Variants in GALNTL6 observed in about 807,000 individuals in gnomAD.
GALNTL6 encodes polypeptide N-acetylgalactosaminyltransferase-like 6.
GALNTL6 carries 46 observed loss-of-function variants against 73.7 expected under a neutral mutation model. That is an observed-to-expected ratio of 0.62 (90% CI 0.49 to 0.80). The LOEUF is 0.80. Ranked by LOEUF, GALNTL6 falls within the 30% of genes least tolerant of loss-of-function variation. GALNTL6 has a pLI of 0.00. For synonymous variants in GALNTL6, 259 were observed against 263.7 expected (o/e 0.98, Z 0.17); for missense variants, 604 against 755.0 (o/e 0.80, Z 2.34).
intron 2 of GALNTL6, among the ~76,000 whole-genome samples, chr4:171,984,431 C>T (rs1740003428): frequency 6.6e-6 from 1 of 152,154 alleles, no homozygotes; most frequent in Admixed American, 6.5e-5. Context: ...AGTGCCTTAT[C>T]TACCAGACAA....
chr4:173,033,562 C>A (rs1200475601), intron 12 of GALNTL6, among the ~76,000 whole-genome samples: 1 of 152,188 alleles, frequency 6.6e-6, no homozygotes, highest in African/African-American at 2.4e-5. Flanking sequence ...CAACCTTGTT[C>A]TTCTGCACAA....
Position 172,271,924 on chromosome 4 carries a change from G to T in GALNTL6, c.248-39690G>T, listed in dbSNP as rs190897416. On this transcript the variant is annotated intron_variant, in intron 3 of 12. Coordinates refer to ENST00000506823, the MANE Select transcript of GALNTL6 (RefSeq NM_001034845.3). ...TTTGCTTTTTTGAAATATTATATTA[G>T]AGAAGATAGGGCCATCATAAATATA... Among the ~76,000 whole-genome samples, 39 of 151,544 alleles carry T rather than the reference G, an allele frequency of 2.6e-4. No homozygotes were observed. In the East Asian group the frequency reaches 7.6e-3, roughly 29 times the overall value.
At chr4:172,475,206 G>A (rs1359448302) in intron 5 of GALNTL6, among the ~76,000 whole-genome samples, 1 of 152,166 alleles carries the variant, frequency 6.6e-6, no homozygotes, top group East Asian at 1.9e-4. Flanking sequence ...TTTTCAGACA[G>A]TGTTTTTATT....
chr4:172,855,712 A>G (rs1002641783), intron 7 of GALNTL6, among the ~76,000 whole-genome samples: 7 of 152,136 alleles, frequency 4.6e-5, no homozygotes, highest in African/African-American at 1.7e-4. Context: ...ACATTAATAC[A>G]ATTTCTACCA....
At chr4:173,010,322 G>A (rs768063666) in intron 11 of GALNTL6, among the ~76,000 whole-genome samples, 21 of 152,154 alleles carry the variant, frequency 1.4e-4, no homozygotes, top group Non-Finnish European at 1.9e-4. Context: ...TTCCATCCAT[G>A]TTGTTGCAAA....
chr4:172,747,546 A>G (rs1482263858), intron 5 of GALNTL6, among the ~76,000 whole-genome samples: 1 of 152,150 alleles, frequency 6.6e-6, no homozygotes, highest in Non-Finnish European at 1.5e-5. Flanking sequence ...AGAAAAGGGA[A>G]CACTTTTACA....
intron 7 of GALNTL6, 66 bp downstream of exon 7, chr4:172,813,789 G>A (rs2111000375): frequency 1.6e-6 from 2 of 1,254,452 alleles, no homozygotes; most frequent in East Asian, 2.4e-5. Flanking sequence ...TGTTAAACCT[G>A]GGCTCAAGAA....
intron 2 of GALNTL6, among the ~76,000 whole-genome samples, chr4:171,990,004 G>C (rs1213834450): frequency 1.3e-5 from 2 of 151,846 alleles, no homozygotes; most frequent in Admixed American, 6.6e-5. Context: ...AGTCACGGAA[G>C]GAAACAGTAA....
chr4:172,164,349 A>G (rs1301584171), intron 2 of GALNTL6, among the ~76,000 whole-genome samples: 1 of 152,008 alleles, frequency 6.6e-6, no homozygotes, highest in Non-Finnish European at 1.5e-5. Flanking sequence ...TTATAGGACT[A>G]AATCTCAGAT....
At chr4:172,665,774 G>A (rs1477123124) in intron 5 of GALNTL6, among the ~76,000 whole-genome samples, 1 of 152,042 alleles carries the variant, frequency 6.6e-6, no homozygotes, top group Non-Finnish European at 1.5e-5. Flanking sequence ...ATAAACTAAT[G>A]TCATTATTTC....
intron 8 of GALNTL6, among the ~76,000 whole-genome samples, chr4:172,915,645 T>A (rs1747464672): frequency 6.6e-6 from 1 of 152,144 alleles, no homozygotes; most frequent in Non-Finnish European, 1.5e-5. Flanking sequence ...CTAGAATATC[T>A]AGAAGAAATG....
At chr4:171,861,673 T>C (rs543976092) in intron 2 of GALNTL6, among the ~76,000 whole-genome samples, 1 of 152,266 alleles carries the variant, frequency 6.6e-6, no homozygotes, top group East Asian at 1.9e-4. Flanking sequence ...ACCTATATTA[T>C]TATTTATATC....
chr4:172,311,792 G>A, intron 4 of GALNTL6, 40 bp downstream of exon 4: 1 of 1,324,314 alleles, frequency 7.6e-7, no homozygotes, highest in South Asian at 1.8e-5. Flanking sequence ...GGGTTTTTTT[G>A]GTTTTTTTTG....
At chr4:173,038,217 C>G (rs539474684) in intron 12 of GALNTL6, among the ~76,000 whole-genome samples, 1 of 152,302 alleles carries the variant, frequency 6.6e-6, no homozygotes, top group African/African-American at 2.4e-5. Context: ...TGTATTAGAT[C>G]CGTGTAGCTT....
intron 2 of GALNTL6, among the ~76,000 whole-genome samples, chr4:172,164,618 T>A (rs1734569265): frequency 6.6e-6 from 1 of 152,014 alleles, no homozygotes; most frequent in East Asian, 1.9e-4. Flanking sequence ...AATAATAGAT[T>A]TTTTCTCGTT....
In GALNTL6 at chr4:172,042,875, A is replaced by G. The variant is rs199641776; in HGVS notation, c.139-186781A>G. Among the ~76,000 whole-genome samples the G allele has an allele frequency of 1.6e-4, 23 of 144,022 alleles. No individual in the cohort carries two copies. The East Asian group carries it at 5.4e-3, about 34-fold the overall frequency. 94.5% of individuals were successfully genotyped at this position (144,022 alleles called of 152,430 possible). Reference sequence around the variant, plus strand: ...GCAATCTTTAACAGTAAAAAAAAAAAAAAAAAAAAAAAAAAAGGTAATTAT... The same window carrying G: ...GCAATCTTTAACAGTAAAAAAAAAAGAAAAAAAAAAAAAAAAGGTAATTAT... On this transcript the variant is annotated intron_variant, in intron 2 of 12. Coordinates refer to ENST00000506823, the MANE Select transcript of GALNTL6 (RefSeq NM_001034845.3).
At chr4:172,579,200 C>A (rs983343425) in intron 5 of GALNTL6, among the ~76,000 whole-genome samples, 1 of 152,126 alleles carries the variant, frequency 6.6e-6, no homozygotes, top group African/African-American at 2.4e-5. Context: ...TGATATTTCC[C>A]ATTTACAGGA....
At chr4:172,037,202 T>G (rs1741951058) in intron 2 of GALNTL6, among the ~76,000 whole-genome samples, 1 of 152,178 alleles carries the variant, frequency 6.6e-6, no homozygotes, top group Non-Finnish European at 1.5e-5. Flanking sequence ...TTAACGTGTA[T>G]CAATACAATA....
chr4:172,057,633 G>C (rs1046461768), intron 2 of GALNTL6, among the ~76,000 whole-genome samples: 13 of 147,078 alleles, frequency 8.8e-5, no homozygotes, highest in Non-Finnish European at 1.6e-4. Flanking sequence ...CTTGAGCATG[G>C]GAGGTTAAGG....
Sources: gnomAD v4.1 joint callset for allele counts (sites outside exome capture counted in the v4.1 genomes callset) on GRCh38, gnomAD v4.1.1 for gene constraint, MANE v1.5 for transcripts, NCBI Gene and HGNC (gene_info 2026-07-23, HGNC 2026-07-21) for gene names.